The following PRKRIP1 variants were observed in gnomAD, a reference collection of about 807,000 sequenced individuals.
PRKRIP1 encodes the protein PRKR-interacting protein 1.
PRKRIP1 carries 29 observed loss-of-function variants against 29.3 expected under a neutral mutation model. That is an observed-to-expected ratio of 0.99 (90% CI 0.74 to 1.35). PRKRIP1 has a LOEUF of 1.35. Among genes scored for constraint, PRKRIP1 ranks in the 40% most tolerant of loss-of-function variants. PRKRIP1 has a pLI of 0.00. For missense variants in PRKRIP1, 247 were observed against 236.8 expected (o/e 1.04, Z -0.28); for synonymous variants, 90 against 85.1 (o/e 1.06, Z -0.32).
chr7:102,422,198 G>A (rs181969771), intron 5 of PRKRIP1, among the ~76,000 whole-genome samples: 5 of 132,500 alleles, frequency 3.8e-5, no homozygotes, highest in Admixed American at 1.6e-4. Flanking sequence ...TATCAGAGAC[G>A]GATTCTAGCT....
intron 5 of PRKRIP1, among the ~76,000 whole-genome samples, chr7:102,422,182 T>C (rs1252272369): frequency 7.0e-6 from 1 of 142,668 alleles, no homozygotes; most frequent in African/African-American, 2.5e-5. Context: ...TTATTATGAT[T>C]ATTATTATCA....
chr7:102,419,545 G>C (rs1308984153), intron 5 of PRKRIP1, among the ~76,000 whole-genome samples: 2 of 152,096 alleles, frequency 1.3e-5, no homozygotes, highest in Non-Finnish European at 2.9e-5. Flanking sequence ...AAACAATTCC[G>C]TGTTTCCCCT....
chr7:102,408,825 C>T (rs556699439), intron 5 of PRKRIP1, among the ~76,000 whole-genome samples: 55 of 151,086 alleles, frequency 3.6e-4, no homozygotes, highest in African/African-American at 1.2e-3. Flanking sequence ...TGCAGTGAGC[C>T]GAGATCACGC....
intron 5 of PRKRIP1, among the ~76,000 whole-genome samples, chr7:102,410,156 C>T (rs1216902952): frequency 6.6e-6 from 1 of 152,162 alleles, no homozygotes; most frequent in African/African-American, 2.4e-5. Context: ...GTAGCCTTTA[C>T]TTCCTGCTTG....
chr7:102,419,242 C>T (rs1796629053), intron 5 of PRKRIP1, among the ~76,000 whole-genome samples: 1 of 151,828 alleles, frequency 6.6e-6, no homozygotes, highest in African/African-American at 2.4e-5. Flanking sequence ...GGTGAAACCC[C>T]ATCTCTACTA....
intron 5 of PRKRIP1, among the ~76,000 whole-genome samples, chr7:102,421,958 G>GC (rs1554573793): frequency 6.6e-6 from 1 of 151,934 alleles, no homozygotes; most frequent in East Asian, 1.9e-4. Flanking sequence ...TGTATGAATG[G>GC]CCCGTCATAT....
At chr7:102,419,305 T>G (rs1326420945) in intron 5 of PRKRIP1, among the ~76,000 whole-genome samples, 1 of 151,934 alleles carries the variant, frequency 6.6e-6, no homozygotes, top group Non-Finnish European at 1.5e-5. Flanking sequence ...TCCCAGCTAC[T>G]CAGGAGGCTG....
At position 102,404,393 on chromosome 7, in the gene PRKRIP1, T is replaced by C. The variant is rs554219636; in HGVS notation, c.307-205T>C. 8 of 540,470 alleles carry C rather than the reference T, an allele frequency of 1.5e-5. No homozygotes were observed. The East Asian group carries it at 2.1e-4, about 14-fold the overall frequency. The allele number at this position is 540,470 out of a possible 1,614,324, so 33.5% of individuals were successfully genotyped here. On this transcript the variant is annotated intron_variant, in intron 3 of 5. Coordinates refer to ENST00000397912, the MANE Select transcript of PRKRIP1 (RefSeq NM_024653.4). ...TGGTGCCTCAGTCAACTAAAAGAGT[T>C]ACTTCGCCATCGGAGACCTATGTAT...
intron 4 of PRKRIP1, among the ~76,000 whole-genome samples, chr7:102,406,297 T>TTGGGA (rs1410184995): frequency 5.3e-5 from 8 of 152,200 alleles, no homozygotes; most frequent in African/African-American, 1.9e-4. Context: ...GAGTTTGGCT[T>TTGGGA]TGGGAAGTGC....
intron 5 of PRKRIP1, among the ~76,000 whole-genome samples, chr7:102,415,775 G>A (rs1796518962): frequency 6.6e-6 from 1 of 152,216 alleles, no homozygotes; most frequent in Non-Finnish European, 1.5e-5. Flanking sequence ...AGAGGATGTG[G>A]GCAGCAGGCC....
intron 5 of PRKRIP1, among the ~76,000 whole-genome samples, chr7:102,409,248 GA>G (rs1554572265): frequency 6.6e-6 from 1 of 152,162 alleles, no homozygotes; most frequent in African/African-American, 2.4e-5. Context: ...TGTACTGTGT[GA>G]CACATCGGAT....
chr7:102,417,730 G>C (rs550249828), intron 5 of PRKRIP1, among the ~76,000 whole-genome samples: 1 of 147,258 alleles, frequency 6.8e-6, no homozygotes, highest in African/African-American at 2.5e-5. Flanking sequence ...CAATCCTCTC[G>C]CCTCAGCTTC....
chr7:102,402,923 C>T (rs1197407805), intron 3 of PRKRIP1, among the ~76,000 whole-genome samples: 1 of 151,936 alleles, frequency 6.6e-6, no homozygotes, highest in Non-Finnish European at 1.5e-5. Flanking sequence ...CACTCTGTCA[C>T]CCAGGCTGGA....
Position 102,425,316 on chromosome 7 carries a change from C to A in PRKRIP1, c.*205C>A. 2.0e-6 allele frequency: 2 copies of A among 991,060 alleles called. No individual in the cohort carries two copies. Among genetic ancestry groups the A allele is most frequent in the Non-Finnish European group, 2.9e-6 (2 of 684,214 alleles). The allele number at this position is 991,060 out of a possible 1,614,324, so 61.4% of individuals were successfully genotyped here. A position where few individuals can be genotyped will look rare whatever the true frequency, so the allele number is the denominator to read the frequency against. On this transcript the variant is annotated 3_prime_UTR_variant, in exon 6 of 6. Transcript: ENST00000397912. Reference sequence around the variant, plus strand: ...ATCTCCCTGACACTCAGAGGCACTGCCTTGCAGACACCATCCGTGCTCCTG... The same window carrying A: ...ATCTCCCTGACACTCAGAGGCACTGACTTGCAGACACCATCCGTGCTCCTG...
chr7:102,422,955 T>G, intron 5 of PRKRIP1: 1 of 316,034 alleles, frequency 3.2e-6, no homozygotes, highest in Non-Finnish European at 6.5e-6. Context: ...ACACATTTGG[T>G]CCCGAGCATT....
chr7:102,406,556 A>C (rs1554571859), intron 4 of PRKRIP1, among the ~76,000 whole-genome samples: 1 of 152,090 alleles, frequency 6.6e-6, no homozygotes, highest in African/African-American at 2.4e-5. Context: ...GTCGATTCTG[A>C]GTTCTTTGGC....
intron 5 of PRKRIP1, among the ~76,000 whole-genome samples, chr7:102,408,378 A>G (rs2133180785): frequency 6.6e-6 from 1 of 152,348 alleles, no homozygotes; most frequent in South Asian, 2.1e-4. Flanking sequence ...CTGCGAGCTG[A>G]GTACATTGCC....
chr7:102,399,706 CT>C, intron 3 of PRKRIP1, 58 bp downstream of exon 3: 1 of 1,401,564 alleles, frequency 7.1e-7, no homozygotes, highest in Non-Finnish European at 1.0e-6. Context: ...CGTGTACTTT[CT>C]TTAGAAAAAA....
chr7:102,420,199 T>C (rs1465014582), intron 5 of PRKRIP1, among the ~76,000 whole-genome samples: 3 of 152,190 alleles, frequency 2.0e-5, no homozygotes, highest in Non-Finnish European at 4.4e-5. Flanking sequence ...TGTGCTAGTT[T>C]TTGTGTGCAC....
Sources: allele counts gnomAD v4.1 joint callset (sites outside exome capture counted in the v4.1 genomes callset), GRCh38; gene constraint gnomAD v4.1.1; transcripts MANE v1.5; gene names NCBI Gene and HGNC (gene_info 2026-07-23, HGNC 2026-07-21).